The following GALNT4 variants were observed in gnomAD, a reference collection of about 807,000 sequenced individuals.
GALNT4 encodes the protein polypeptide N-acetylgalactosaminyltransferase 4, also known as UDP-GalNAc:polypeptide N-acetylgalactosaminyltransferase 4.
Under a neutral mutation model 45.1 loss-of-function variants are expected in GALNT4, and 23 were observed. That is an observed-to-expected ratio of 0.51 (90% CI 0.37 to 0.72). GALNT4 has a LOEUF of 0.72. Ranked by LOEUF, GALNT4 falls within the 30% of genes least tolerant of loss-of-function variation. The pLI is 0.00. For synonymous variants in GALNT4, 264 were observed against 257.6 expected, an observed-to-expected ratio of 1.02 and a Z score of -0.24; for missense variants, 757 against 709.0, an observed-to-expected ratio of 1.07 and a Z score of -0.77.
Position 89,523,388 on chromosome 12 carries a change from C to A in GALNT4, c.1162G>T (p.Asp388Tyr). 6.2e-7 allele frequency: 1 copy of A among 1,614,056 alleles called. No homozygotes were observed. The change falls in exon 1 of 1, where the codon GAT becomes TAT. Residue 388 changes from aspartate to tyrosine, a missense_variant. Asp to Tyr is a radical substitution (Grantham distance 160). Coordinates refer to ENST00000529983, the MANE Select transcript of GALNT4 (RefSeq NM_003774.5). ...TTGTAGAAGTGCTCTTTGTATTCAT[C>A]CATCCAAACTTCTGCTGCCCGAGCA... ...NTARAAEVWMDEYKEHFYNRN... is the reference protein window; with the variant it reads ...NTARAAEVWMYEYKEHFYNRN...
chr12:89,521,838 T>C lies in GALNT4; in HGVS notation c.*975A>G. The C allele has an allele frequency of 2.5e-6, 1 of 397,370 alleles. No homozygotes were observed. The highest frequency in any genetic ancestry group is 4.4e-6 in the Non-Finnish European group (1 of 225,590). 24.6% of individuals were successfully genotyped at this position (397,370 alleles called of 1,614,324 possible). On this transcript the variant is annotated 3_prime_UTR_variant, in exon 1 of 1. Coordinates refer to ENST00000529983, the MANE Select transcript of GALNT4 (RefSeq NM_003774.5). ...TAAGATAAATTCTTAAATTTCCTGA[T>C]CAGCAGAACTCGTAGGAGAGTTCCA...
In GALNT4 at chr12:89,523,987, G is replaced by A. The variant is rs752036206; in HGVS notation, c.563C>T (p.Thr188Ile). The change falls in exon 1 of 1, where the codon ACT becomes ATT. Residue 188 changes from threonine (T) to isoleucine (I), a missense_variant. Coordinates refer to ENST00000529983, the MANE Select transcript of GALNT4 (RefSeq NM_003774.5). ...TACTCTATCAAGATTGCTGATGTAAGTTTCAAGTTGTGTCTTCAAATAAAC... is the reference window on the plus strand; with the variant it reads ...TACTCTATCAAGATTGCTGATGTAAATTTCAAGTTGTGTCTTCAAATAAAC... The part of the protein sequence containing the change: ...DRVYLKTQLE[T>I]YISNLDRVRL... 4.3e-6 allele frequency: 7 copies of A among 1,613,900 alleles called. No homozygotes were observed. The highest frequency in any genetic ancestry group is 1.7e-5 in the Admixed American group (1 of 60,012).
Position 89,524,598 on chromosome 12 carries a change from A to C in GALNT4, c.-49T>G, listed in dbSNP as rs945233737. ...AGACGCGGCCACCAAGCCACCACGC[A>C]GGGGAAGGGCGGCGGAACCCACAGC... On this transcript the variant is annotated 5_prime_UTR_variant, in exon 1 of 1. Transcript: ENST00000529983. 1 of 1,594,522 alleles carries C rather than the reference A, an allele frequency of 6.3e-7. No homozygotes were observed. The highest frequency in any genetic ancestry group is 8.6e-7 in the Non-Finnish European group (1 of 1,169,066).
Position 89,522,777 on chromosome 12 carries a change from A to G in GALNT4, c.*36T>C. 3 of 1,527,666 alleles carry G rather than the reference A, an allele frequency of 2.0e-6. No homozygotes were observed. The highest frequency in any genetic ancestry group is 2.6e-6 in the Non-Finnish European group (3 of 1,141,982). 94.6% of individuals were successfully genotyped at this position (1,527,666 alleles called of 1,614,324 possible). On this transcript the variant is annotated 3_prime_UTR_variant, in exon 1 of 1. Transcript: ENST00000529983. ...CTTAAGGCTCTTTGACTTTCTTGAC[A>G]CTACTGTCAGCTCATGACGAAAGTG...
rs1871222127 is a variant in GALNT4, at chr12:89,524,369, G to C, written c.181C>G (p.Arg61Gly). The change falls in exon 1 of 1, where the codon CGA (arginine) becomes GGA (glycine). Residue 61 changes from arginine (R) to glycine (G), a missense_variant. Arg to Gly is a moderately radical substitution (Grantham distance 125). Transcript: ENST00000529983. ...DLQKNTEDLS[R>G]PLYKKPPADS... ...GCAGGGGGCTTCTTATAAAGCGGTC[G>C]AGACAAATCCTCCGTATTTTTCTGG... The C allele has an allele frequency of 1.2e-6, 2 of 1,613,888 alleles. No homozygotes were observed. The highest frequency in any genetic ancestry group is 2.2e-5 in the East Asian group (1 of 44,890).
In GALNT4 at chr12:89,522,291, C is replaced by T; in HGVS notation, c.*522G>A. On this transcript the variant is annotated 3_prime_UTR_variant, in exon 1 of 1. Transcript: ENST00000529983. Reference sequence around the variant, plus strand: ...CTAAAACCAGGCCTTTTGCCTTAAGCTCAATTTTCTTTTTGATTAGAAAAA... The same window carrying T: ...CTAAAACCAGGCCTTTTGCCTTAAGTTCAATTTTCTTTTTGATTAGAAAAA... 2.5e-6 allele frequency: 1 copy of T among 397,526 alleles called. No individual in the cohort carries two copies. Among genetic ancestry groups the T allele is most frequent in the Non-Finnish European group, 4.4e-6 (1 of 225,872 alleles). 24.6% of individuals were successfully genotyped at this position (397,526 alleles called of 1,614,324 possible). A position where few individuals can be genotyped will look rare whatever the true frequency, so the allele number is the denominator to read the frequency against.
Position 89,522,656 on chromosome 12 carries a change from A to T in GALNT4, c.*157T>A. 1.2e-6 allele frequency: 1 copy of T among 843,704 alleles called. No individual in the cohort carries two copies. Among genetic ancestry groups the T allele is most frequent in the Non-Finnish European group, 1.7e-6 (1 of 592,760 alleles). The allele number at this position is 843,704 out of a possible 1,614,324, so 52.3% of individuals were successfully genotyped here. A position where few individuals can be genotyped will look rare whatever the true frequency, so the allele number is the denominator to read the frequency against. ...AGCAGCACTCTGGGTACCCAGTTTC[A>T]GTGTGATATACCAAAATGAACCCCA... On this transcript the variant is annotated 3_prime_UTR_variant, in exon 1 of 1. Transcript: ENST00000529983.
chr12:89,523,897 G>C lies in GALNT4; in HGVS notation c.653C>G (p.Ala218Gly). The C allele has an allele frequency of 6.3e-7, 1 of 1,586,996 alleles. No individual in the cohort carries two copies. Among genetic ancestry groups the C allele is most frequent in the Non-Finnish European group, 8.5e-7 (1 of 1,169,784 alleles). The change falls in exon 1 of 1, where the codon GCC (alanine) becomes GGC (glycine). Residue 218 changes from alanine (A) to glycine (G), a missense_variant. Physicochemically the swap from Ala to Gly is moderately conservative, Grantham distance 60. Transcript: ENST00000529983. ...CAGGAAAGTGAGGACGTCCCCAGTG[G>C]CGAAAGTGGCCCCAATCAGACGGGC... ...VRARLIGATF[A>G]TGDVLTFLDC... is the part of the protein sequence containing the mutation.
At position 89,524,391 on chromosome 12, in the gene GALNT4, C is replaced by G. The variant is rs372200160; in HGVS notation, c.159G>C (p.Gln53His). The change falls in exon 1 of 1, where the codon CAG becomes CAC. Residue 53 changes from glutamine to histidine, a missense_variant. Coordinates refer to ENST00000529983, the MANE Select transcript of GALNT4 (RefSeq NM_003774.5). ...ELGSRRLSDL[Q>H]KNTEDLSRPL... ...GTCGAGACAAATCCTCCGTATTTTTCTGGAGGTCTGAGAGCCTTCTTGACC... is the reference window on the plus strand; with the variant it reads ...GTCGAGACAAATCCTCCGTATTTTTGTGGAGGTCTGAGAGCCTTCTTGACC... 6.2e-7 allele frequency: 1 copy of G among 1,614,020 alleles called. No homozygotes were observed. Among genetic ancestry groups the G allele is most frequent in the African/African-American group, 1.3e-5 (1 of 75,050 alleles).
chr12:89,520,925 C>T lies in GALNT4; in HGVS notation c.*1888G>A, dbSNP rs946847195. The T allele has an allele frequency of 5.9e-5, 9 of 152,110 alleles. No homozygotes were observed. Among genetic ancestry groups the T allele is most frequent in the African/African-American group, 1.4e-4 (6 of 41,484 alleles). 9.4% of individuals were successfully genotyped at this position (152,110 alleles called of 1,614,324 possible). On this transcript the variant is annotated 3_prime_UTR_variant, in exon 1 of 1. Transcript: ENST00000529983. ...ACTTTTAAAAAAAGCGTTTACTTCC[C>T]GAGTAATTTAGTTTGGAAATATTTA...
At position 89,523,034 on chromosome 12, in the gene GALNT4, C is replaced by T. The variant is rs2230283; in HGVS notation, c.1516G>A (p.Val506Ile). The T allele has an allele frequency of 0.32, 511,982 of 1,613,338 alleles. 84,836 individuals carry two copies. The highest frequency in any genetic ancestry group is 0.35 in the Non-Finnish European group (409,037 of 1,179,530). The change falls in exon 1 of 1, where the codon GTA becomes ATA. Residue 506 changes from valine to isoleucine, a missense_variant. Transcript: ENST00000529983. ...FNSVTELCAE[V>I]PEQKNYVGMQ... ...CCCACATAATTTTTTTGCTCAGGTA[C>T]CTCTGCACATAACTCTGTCACAGAA... is the stretch of plus-strand genomic sequence containing the variant.
rs1161655983 is a variant in GALNT4, at chr12:89,524,471, G to C, written c.79C>G (p.Leu27Val). 6.2e-7 allele frequency: 1 copy of C among 1,613,616 alleles called. No homozygotes were observed. The highest frequency in any genetic ancestry group is 1.1e-5 in the South Asian group (1 of 91,072). Residue 27 changes from leucine to valine, a missense_variant, in exon 1 of 1, where the codon CTC (leucine) becomes GTC (valine). Transcript: ENST00000529983. Reference sequence around the variant, plus strand: ...GAGGCATGAAAAGTAGAGACCAAGAGCTCCACGAAGATATAGGCCACTGTT... The same window carrying C: ...GAGGCATGAAAAGTAGAGACCAAGACCTCCACGAAGATATAGGCCACTGTT... ...FLTVAYIFVE[L>V]LVSTFHASAG...
chr12:89,523,883 G>A lies in GALNT4; in HGVS notation c.667C>T (p.Leu223Phe), dbSNP rs369343226. 3 of 1,574,972 alleles carry A rather than the reference G, an allele frequency of 1.9e-6. No homozygotes were observed. Among genetic ancestry groups the A allele is most frequent in the African/African-American group, 2.7e-5 (2 of 73,152 alleles). ...TCACAGTGACAATCCAGGAAAGTGA[G>A]GACGTCCCCAGTGGCGAAAGTGGCC... ...IGATFATGDV[L>F]TFLDCHCECN... is the part of the protein sequence containing the mutation. The change falls in exon 1 of 1, where the codon CTC becomes TTC. Residue 223 changes from leucine (L) to phenylalanine (F), a missense_variant. By Grantham distance (22) the Leu-to-Phe change is conservative (BLOSUM62 0). Transcript: ENST00000529983.
In GALNT4 at chr12:89,523,294, A is replaced by G; in HGVS notation, c.1256T>C (p.Leu419Ser). Residue 419 changes from leucine (L) to serine (S), a missense_variant, in exon 1 of 1, where the codon TTG (leucine) becomes TCG (serine). Physicochemically the swap from Leu to Ser is moderately radical, Grantham distance 145. Coordinates refer to ENST00000529983, the MANE Select transcript of GALNT4 (RefSeq NM_003774.5). ...ATACCAGTCAAAGCTCTTGCATCTCAACCGCTCTCGTAGTAATTTTCTTTC... is the reference window on the plus strand; with the variant it reads ...ATACCAGTCAAAGCTCTTGCATCTCGACCGCTCTCGTAGTAATTTTCTTTC... ...ISERKLLRER[L>S]RCKSFDWYLK... is the part of the protein sequence containing the mutation. The G allele has an allele frequency of 1.9e-6, 3 of 1,614,052 alleles. No individual in the cohort carries two copies. Among genetic ancestry groups the G allele is most frequent in the Non-Finnish European group, 2.5e-6 (3 of 1,179,892 alleles).
rs765563983 is a variant in GALNT4, at chr12:89,524,140, G to A, written c.410C>T (p.Thr137Ile). ...GTTATAGAAAGCAATGATAACAGAG[G>A]TGGTAGGAAGTGTCCTATAGTTGAA... Reference protein sequence around the residue: ...QKFNYRTLPTTSVIIAFYNEA... With the variant: ...QKFNYRTLPTISVIIAFYNEA... The change falls in exon 1 of 1, where the codon ACC becomes ATC. Residue 137 changes from threonine to isoleucine, a missense_variant. Transcript: ENST00000529983. 7 of 1,614,022 alleles carry A rather than the reference G, an allele frequency of 4.3e-6. No individual in the cohort carries two copies. In the Admixed American group the frequency reaches 5.0e-5, roughly 12 times the overall value.
In GALNT4 at chr12:89,524,431, C is replaced by T. The variant is rs1458349501; in HGVS notation, c.119G>A (p.Arg40His). The T allele has an allele frequency of 1.9e-6, 3 of 1,613,974 alleles. No individual in the cohort carries two copies. Among genetic ancestry groups the T allele is most frequent in the Non-Finnish European group, 2.5e-6 (3 of 1,179,898 alleles). ...STFHASAGAG[R>H]ARELGSRRLS... ...CCTTCTTGACCCCAGCTCCCTGGCA[C>T]GGCCGGCTCCTGCGGAGGCATGAAA... Residue 40 changes from arginine (R) to histidine (H), a missense_variant, in exon 1 of 1, where the codon CGT becomes CAT. Arg to His is a conservative substitution (Grantham distance 29). Transcript: ENST00000529983.
At position 89,523,046 on chromosome 12, in the gene GALNT4, A is replaced by G. The variant is rs774017471; in HGVS notation, c.1504T>C (p.Leu502=). The G allele has an allele frequency of 5.0e-6, 8 of 1,613,654 alleles. No individual in the cohort carries two copies. Among genetic ancestry groups the G allele is most frequent in the Non-Finnish European group, 6.8e-6 (8 of 1,179,758 alleles). ...KEIRFNSVTE[L]CAEVPEQKNY... ...TTTTGCTCAGGTACCTCTGCACATA[A>G]CTCTGTCACAGAATTAAACCTTATT... Residue 502 remains leucine (L), a synonymous_variant, in exon 1 of 1, where the codon TTA becomes CTA. Transcript: ENST00000529983.
rs1870683606 is a variant in GALNT4 at position 89,519,675 on chromosome 12, T to A, written c.*3138A>T. ...GACTATACAACTTAAAAATAAGCTG[T>A]CTTCATCCTAGAAAAGTTTGATTTG... On this transcript the variant is annotated 3_prime_UTR_variant, in exon 1 of 1. Coordinates refer to ENST00000529983, the MANE Select transcript of GALNT4 (RefSeq NM_003774.5). The A allele has an allele frequency of 6.6e-6, 1 of 150,572 alleles. No homozygotes were observed. The highest frequency in any genetic ancestry group is 2.1e-4 in the South Asian group (1 of 4,828). The allele number at this position is 150,572 out of a possible 1,614,324, so 9.3% of individuals were successfully genotyped here. A position where few individuals can be genotyped will look rare whatever the true frequency, so the allele number is the denominator to read the frequency against.
rs1870951299 is a variant in GALNT4, at chr12:89,522,258, A to T, written c.*555T>A. 1 of 398,214 alleles carries T rather than the reference A, an allele frequency of 2.5e-6. No homozygotes were observed. The highest frequency in any genetic ancestry group is 4.4e-6 in the Non-Finnish European group (1 of 226,002). The allele number at this position is 398,214 out of a possible 1,614,324, so 24.7% of individuals were successfully genotyped here. On this transcript the variant is annotated 3_prime_UTR_variant, in exon 1 of 1. Coordinates refer to ENST00000529983, the MANE Select transcript of GALNT4 (RefSeq NM_003774.5). The stretch of plus-strand genomic sequence containing the variant: ...CAAACAAATGCCCTCTTCCAATTAC[A>T]CATATCTCTAAAACCAGGCCTTTTG...
Sources: allele counts gnomAD v4.1 joint callset, GRCh38; gene constraint gnomAD v4.1.1; transcripts MANE v1.5; gene names NCBI Gene and HGNC (gene_info 2026-07-23, HGNC 2026-07-21).